COL5A2: variants seen among roughly 807,000 people sequenced by gnomAD.
COL5A2 encodes the protein collagen alpha-2(V) chain.
COL5A2 carries 23 observed loss-of-function variants against 208.2 expected under a neutral mutation model. The observed-to-expected ratio is 0.11, with a 90% CI of 0.08 to 0.16. The LOEUF is 0.16. COL5A2 is among the 10% of genes least tolerant of loss of function. COL5A2 has a pLI of 1.00. For missense variants in COL5A2, 1,590 were observed against 1,956.4 expected (o/e 0.81, Z 3.53); for synonymous variants, 625 against 628.5 (o/e 0.99, Z 0.08).
chr2:189,358,648 G>A, the COL5A2 span, among the ~76,000 whole-genome samples: 1 of 152,130 alleles, frequency 6.6e-6, no homozygotes, highest in Non-Finnish European at 1.5e-5. Context: ...CAATGAATCT[G>A]TAGATTGCTT....
At chr2:189,167,302 T>C (rs1688484311) in intron 1 of COL5A2, among the ~76,000 whole-genome samples, 1 of 152,206 alleles carries the variant, frequency 6.6e-6, no homozygotes, top group African/African-American at 2.4e-5. Context: ...TATTATGTCA[T>C]CCTTCCTATG....
At chr2:189,255,746 A>G in the COL5A2 span, among the ~76,000 whole-genome samples, 2 of 152,240 alleles carry the variant, frequency 1.3e-5, no homozygotes, top group Non-Finnish European at 2.9e-5. Context: ...ATATCTAACT[A>G]TAACCTAAAA....
rs1440789739 is a variant in COL5A2, at chr2:189,052,740, T to C, written c.2715+9A>G. On this transcript the variant is annotated intron_variant, in intron 40 of 53. Coordinates refer to ENST00000374866, the MANE Select transcript of COL5A2 (RefSeq NM_000393.5). ...TGTGCATACTTTGCAGAGCATCAAA[T>C]AAACTTACAGGCGGACCTTGGGTTC... 6.2e-7 allele frequency: 1 copy of C among 1,613,946 alleles called. No individual in the cohort carries two copies. The highest frequency in any genetic ancestry group is 8.5e-7 in the Non-Finnish European group (1 of 1,179,818).
chr2:189,235,773 T>A, the COL5A2 span, among the ~76,000 whole-genome samples: 2 of 151,672 alleles, frequency 1.3e-5, no homozygotes, highest in Non-Finnish European at 2.9e-5. Flanking sequence ...CAGAAAAGAG[T>A]TAACATAGCA....
At chr2:189,186,491 G>A (rs1400761259) in intron 1 of COL5A2, among the ~76,000 whole-genome samples, 1 of 152,140 alleles carries the variant, frequency 6.6e-6, no homozygotes, top group Non-Finnish European at 1.5e-5. Flanking sequence ...ACACGGTGGG[G>A]TAAGTGCTAC....
At chr2:189,240,401 C>T in the COL5A2 span, among the ~76,000 whole-genome samples, 1 of 152,214 alleles carries the variant, frequency 6.6e-6, no homozygotes, top group East Asian at 1.9e-4. Flanking sequence ...ATCATGAGGG[C>T]CTCATCCTTG....
At chr2:189,100,050 TA>T (rs1366074479) in intron 4 of COL5A2, 56 bp downstream of exon 4, 2 of 1,389,248 alleles carry the variant, frequency 1.4e-6, no homozygotes, top group African/African-American at 2.8e-5. Context: ...TATACAATTA[TA>T]CTATAAGCTA....
chr2:189,408,557 G>A, the COL5A2 span, among the ~76,000 whole-genome samples: 3 of 152,136 alleles, frequency 2.0e-5, no homozygotes, highest in Non-Finnish European at 4.4e-5. Context: ...TGGCCATGGT[G>A]ACCATTAATA....
At chr2:189,087,280 T>C (rs1241979547) in intron 8 of COL5A2, among the ~76,000 whole-genome samples, 15 of 152,320 alleles carry the variant, frequency 9.8e-5, no homozygotes, top group Non-Finnish European at 2.9e-5. Context: ...GATTTCTTTC[T>C]TTCACAACAT....
At chr2:189,063,336 G>A in intron 26 of COL5A2, 66 bp from the exon 27 acceptor site, 3 of 1,280,400 alleles carry the variant, frequency 2.3e-6, no homozygotes, top group South Asian at 2.4e-5. Flanking sequence ...ATCACCCAAA[G>A]TGTCACCTTT....
At chr2:189,075,014 T>G (rs1286121283) in intron 17 of COL5A2, among the ~76,000 whole-genome samples, 3 of 152,174 alleles carry the variant, frequency 2.0e-5, no homozygotes, top group African/African-American at 7.2e-5. Flanking sequence ...CTTCATGATA[T>G]AGCTCTCGCC....
chr2:189,191,291 G>T (rs1233002986), intron 1 of COL5A2, among the ~76,000 whole-genome samples: 1 of 151,968 alleles, frequency 6.6e-6, no homozygotes, highest in Non-Finnish European at 1.5e-5. Context: ...TAAGAGGAAA[G>T]CATGTTGAAT....
chr2:189,075,757 G>A (rs1686390683), intron 16 of COL5A2, among the ~76,000 whole-genome samples: 3 of 152,082 alleles, frequency 2.0e-5, no homozygotes, highest in Admixed American at 1.3e-4. Flanking sequence ...GAACACCTCA[G>A]TATTCTTAAT....
At chr2:189,061,169 T>C (rs1051199716) in intron 30 of COL5A2, among the ~76,000 whole-genome samples, 1 of 152,174 alleles carries the variant, frequency 6.6e-6, no homozygotes, top group Non-Finnish European at 1.5e-5. Flanking sequence ...TTAAATAATG[T>C]ACATACTGAT....
the COL5A2 span, among the ~76,000 whole-genome samples, chr2:189,258,651 A>G: frequency 2.1e-4 from 32 of 152,322 alleles, no homozygotes; most frequent in African/African-American, 7.7e-4. Flanking sequence ...GATGTGTTTG[A>G]GTCTGTGTGG....
At chr2:189,339,150 A>T in the COL5A2 span, among the ~76,000 whole-genome samples, 1 of 152,140 alleles carries the variant, frequency 6.6e-6, no homozygotes, top group South Asian at 2.1e-4. Flanking sequence ...CAGGAATTTG[A>T]GAGCAGCCTG....
the COL5A2 span, among the ~76,000 whole-genome samples, chr2:189,391,410 T>G: frequency 3.9e-5 from 6 of 152,304 alleles, no homozygotes; most frequent in East Asian, 1.2e-3. Context: ...AAACTTAAAA[T>G]GAGAAACCAC....
At chr2:189,420,787 T>G in the COL5A2 span, among the ~76,000 whole-genome samples, 1 of 152,116 alleles carries the variant, frequency 6.6e-6, no homozygotes, top group African/African-American at 2.4e-5. Context: ...GCCCCAACTA[T>G]ACTTTTTACA....
the COL5A2 span, among the ~76,000 whole-genome samples, chr2:189,274,976 T>G: frequency 2.6e-5 from 4 of 152,284 alleles, no homozygotes; most frequent in Admixed American, 6.5e-5. Context: ...TCTTTAATCT[T>G]TTTCTTTACT....
Sources: allele counts gnomAD v4.1 joint callset (sites outside exome capture counted in the v4.1 genomes callset), GRCh38; gene constraint gnomAD v4.1.1; transcripts MANE v1.5; gene names NCBI Gene and HGNC (gene_info 2026-07-23, HGNC 2026-07-21).